The following ATP8B4 variants were observed in gnomAD, a reference collection of about 807,000 sequenced individuals.
The protein encoded by ATP8B4 is probable phospholipid-transporting ATPase IM.
In ATP8B4, 133 loss-of-function variants were observed where a neutral mutation model predicts 145.6. The ratio of observed to expected loss-of-function variants is 0.91; its 90% confidence interval spans 0.79 to 1.05. The LOEUF (loss-of-function observed/expected upper bound fraction) is 1.05, where lower values mean the gene tolerates loss of function less well. ATP8B4 is among the 50% of genes least tolerant of loss of function. ATP8B4 has a pLI of 0.00. For synonymous variants in ATP8B4, 507 were observed against 492.9 expected, an observed-to-expected ratio of 1.03 and a Z score of -0.38; for missense variants, 1,458 against 1,425.2, an observed-to-expected ratio of 1.02 and a Z score of -0.37.
intron 13 of ATP8B4, among the ~76,000 whole-genome samples, chr15:49,968,189 C>A (rs1366508650): frequency 2.0e-5 from 3 of 152,176 alleles, no homozygotes; most frequent in Non-Finnish European, 4.4e-5. Context: ...TTGTAAAGAC[C>A]ATTGACACTA....
At chr15:49,941,492 C>G (rs1486225929) in intron 14 of ATP8B4, among the ~76,000 whole-genome samples, 1 of 152,124 alleles carries the variant, frequency 6.6e-6, no homozygotes, top group Non-Finnish European at 1.5e-5. Flanking sequence ...CAAAATGAAC[C>G]TTCTGCAATT....
intron 22 of ATP8B4, 74 bp downstream of exon 22, chr15:49,897,994 A>T: frequency 6.7e-7 from 1 of 1,503,536 alleles, no homozygotes; most frequent in South Asian, 1.2e-5. Flanking sequence ...CAATCTAGTG[A>T]TTATATATTG....
intron 7 of ATP8B4, among the ~76,000 whole-genome samples, chr15:50,007,737 GC>G (rs1362773306): frequency 6.6e-6 from 1 of 152,084 alleles, no homozygotes; most frequent in African/African-American, 2.4e-5. Flanking sequence ...GCTCTCTGAA[GC>G]CCCTGCCAGC....
At chr15:50,012,241 C>G (rs1407686625) in intron 6 of ATP8B4, among the ~76,000 whole-genome samples, 1 of 152,138 alleles carries the variant, frequency 6.6e-6, no homozygotes, top group Non-Finnish European at 1.5e-5. Context: ...CCTCCTCTGG[C>G]ACCTTAGTGA....
intron 6 of ATP8B4, among the ~76,000 whole-genome samples, chr15:50,034,050 A>G (rs2153595762): frequency 6.6e-6 from 1 of 152,192 alleles, no homozygotes; most frequent in African/African-American, 2.4e-5. Context: ...TTATGGTAGA[A>G]TGACTTATTT....
At chr15:50,037,245 A>T (rs1220828674) in intron 6 of ATP8B4, among the ~76,000 whole-genome samples, 1 of 152,242 alleles carries the variant, frequency 6.6e-6, no homozygotes, top group Non-Finnish European at 1.5e-5. Flanking sequence ...CTTCAAAGTA[A>T]TGAGACTGAT....
chr15:50,073,287 C>T (rs1331071418), intron 3 of ATP8B4, among the ~76,000 whole-genome samples: 3 of 151,676 alleles, frequency 2.0e-5, no homozygotes, highest in Non-Finnish European at 2.9e-5. Flanking sequence ...TCCCTGAGTC[C>T]ATGTATTCTC....
chr15:49,893,409 T>C (rs2037042770), intron 23 of ATP8B4, among the ~76,000 whole-genome samples: 1 of 152,166 alleles, frequency 6.6e-6, no homozygotes, highest in African/African-American at 2.4e-5. Context: ...CAAATGTCCA[T>C]AGATGGATAC....
At chr15:50,056,248 C>G (rs949924030) in intron 3 of ATP8B4, among the ~76,000 whole-genome samples, 2 of 152,182 alleles carry the variant, frequency 1.3e-5, no homozygotes, top group African/African-American at 4.8e-5. Flanking sequence ...TTGTTAAAGT[C>G]CTTCTGTGCT....
At chr15:49,893,109 G>A (rs1277699058) in intron 23 of ATP8B4, among the ~76,000 whole-genome samples, 1 of 152,216 alleles carries the variant, frequency 6.6e-6, no homozygotes, top group African/African-American at 2.4e-5. Context: ...AAAGGATATT[G>A]TAATATACTT....
At chr15:49,917,113 A>C in intron 19 of ATP8B4, 74 bp from the exon 20 acceptor site, 5 of 1,418,640 alleles carry the variant, frequency 3.5e-6, no homozygotes, top group Non-Finnish European at 4.0e-6. Context: ...GAAAGTTTTG[A>C]GGGCTTAGCT....
At chr15:50,143,000 A>G (rs182568049) in intron 1 of ATP8B4, among the ~76,000 whole-genome samples, 1 of 152,224 alleles carries the variant, frequency 6.6e-6, no homozygotes, top group East Asian at 1.9e-4. Context: ...TGCTTAGCTT[A>G]GGAGAGAAGC....
chr15:50,070,786 GC>G (rs753130171), intron 3 of ATP8B4, among the ~76,000 whole-genome samples: 3 of 152,130 alleles, frequency 2.0e-5, no homozygotes, highest in Non-Finnish European at 4.4e-5. Flanking sequence ...TGTAACCCAG[GC>G]TGGACTGCAG....
intron 20 of ATP8B4, chr15:49,902,411 A>G (rs1399886189): frequency 6.6e-6 from 1 of 152,190 alleles, no homozygotes; most frequent in East Asian, 1.9e-4. Context: ...AAAATGTAAC[A>G]CCAATTGTTT....
intron 7 of ATP8B4, among the ~76,000 whole-genome samples, chr15:50,010,066 C>T (rs1030869831): frequency 2.6e-5 from 4 of 152,024 alleles, no homozygotes; most frequent in East Asian, 1.9e-4. Context: ...ACTCTTGGGG[C>T]CATATTTTTT....
At chr15:49,972,846 T>G in intron 12 of ATP8B4, 56 bp from the exon 13 acceptor site, 1 of 1,553,020 alleles carries the variant, frequency 6.4e-7, no homozygotes, top group South Asian at 1.2e-5. Context: ...TTTCAGAACA[T>G]ACAATATTTT....
chr15:49,966,436 G>A (rs925262033), intron 13 of ATP8B4, among the ~76,000 whole-genome samples: 3 of 152,182 alleles, frequency 2.0e-5, no homozygotes, highest in African/African-American at 7.2e-5. Context: ...TTGGTGGTGG[G>A]AGGGGCATCC....
intron 6 of ATP8B4, chr15:50,018,900 G>A (rs755108017): frequency 1.5e-4 from 183 of 1,241,372 alleles, no homozygotes; most frequent in Non-Finnish European, 1.9e-4. Flanking sequence ...TTTTTCTCAG[G>A]ACCAGGATAA....
chr15:49,956,333 G>A (rs535243974), intron 14 of ATP8B4, among the ~76,000 whole-genome samples: 5 of 152,194 alleles, frequency 3.3e-5, no homozygotes, highest in Non-Finnish European at 5.9e-5. Flanking sequence ...TTTAATCACA[G>A]ACTGTTTTGT....
Sources: gnomAD v4.1 joint callset for allele counts (sites outside exome capture counted in the v4.1 genomes callset) on GRCh38, gnomAD v4.1.1 for gene constraint, MANE v1.5 for transcripts, NCBI Gene and HGNC (gene_info 2026-07-23, HGNC 2026-07-21) for gene names.